PARD3: variants seen among roughly 807,000 people sequenced by gnomAD.
PARD3 encodes partitioning defective 3 homolog.
A neutral mutation model predicts 155.4 loss-of-function variants in PARD3; 75 were observed. The observed-to-expected ratio is 0.48, with a 90% CI of 0.40 to 0.58. The LOEUF is 0.58. PARD3 is among the 20% of genes least tolerant of loss of function. PARD3 has a pLI of 0.00. For missense variants in PARD3, 1,642 were observed against 1,721.7 expected, an observed-to-expected ratio of 0.95 and a Z score of 0.82; for synonymous variants, 576 against 610.5, an observed-to-expected ratio of 0.94 and a Z score of 0.83.
chr10:34,567,520 C>G (rs990074959), intron 2 of PARD3, among the ~76,000 whole-genome samples: 5 of 152,138 alleles, frequency 3.3e-5, no homozygotes, highest in Non-Finnish European at 7.4e-5. Flanking sequence ...GCGGCATTTT[C>G]TTTTTACACA....
intron 3 of PARD3, among the ~76,000 whole-genome samples, chr10:34,510,683 G>A (rs1041321550): frequency 6.6e-6 from 1 of 151,366 alleles, no homozygotes; most frequent in Non-Finnish European, 1.5e-5. Context: ...TTGAGTGTGT[G>A]TTTCCTTTAT....
intron 7 of PARD3, among the ~76,000 whole-genome samples, chr10:34,395,242 C>T (rs1263841460): frequency 2.0e-5 from 3 of 152,044 alleles, no homozygotes; most frequent in Non-Finnish European, 4.4e-5. Flanking sequence ...ATCATGTTGG[C>T]CAGGCTGGTC....
chr10:34,334,877 T>C (rs1835998022), intron 18 of PARD3, among the ~76,000 whole-genome samples: 1 of 151,904 alleles, frequency 6.6e-6, no homozygotes, highest in Non-Finnish European at 1.5e-5. Context: ...TGGATATCAT[T>C]ATGTTGTAGA....
chr10:34,633,802 A>T (rs2092368642), intron 2 of PARD3, among the ~76,000 whole-genome samples: 2 of 152,200 alleles, frequency 1.3e-5, no homozygotes, highest in Admixed American at 6.5e-5. Context: ...CCAACAGTGT[A>T]TGAGGGTTCC....
At chr10:34,334,117 T>A (rs995329208) in intron 18 of PARD3, among the ~76,000 whole-genome samples, 1 of 151,782 alleles carries the variant, frequency 6.6e-6, no homozygotes, top group South Asian at 2.1e-4. Context: ...TTTACACATA[T>A]CTTTTAGGTC....
chr10:34,290,950 AC>A (rs1956648019), intron 20 of PARD3, among the ~76,000 whole-genome samples: 2 of 152,276 alleles, frequency 1.3e-5, no homozygotes, highest in Middle Eastern at 3.4e-3. Context: ...TCAAATCAAA[AC>A]AAACCCATGA....
At chr10:34,434,127 C>T (rs987584603) in intron 5 of PARD3, among the ~76,000 whole-genome samples, 1 of 151,962 alleles carries the variant, frequency 6.6e-6, no homozygotes, top group African/African-American at 2.4e-5. Context: ...AGATCCTAGG[C>T]AGGAAAAAGG....
intron 1 of PARD3, among the ~76,000 whole-genome samples, chr10:34,791,238 G>A (rs978469216): frequency 1.3e-5 from 2 of 152,134 alleles, no homozygotes; most frequent in Non-Finnish European, 2.9e-5. Flanking sequence ...AGCTACATAG[G>A]GAGCCAACAG....
chr10:34,780,567 G>A (rs1050361856), intron 1 of PARD3, among the ~76,000 whole-genome samples: 76 of 152,130 alleles, frequency 5.0e-4, no homozygotes, highest in African/African-American at 1.7e-3. Context: ...GGAGGAAATC[G>A]TGCCCTGCTG....
intron 1 of PARD3, among the ~76,000 whole-genome samples, chr10:34,797,763 C>G (rs1362887920): frequency 6.6e-6 from 1 of 152,176 alleles, no homozygotes; most frequent in African/African-American, 2.4e-5. Context: ...CTCATTACAA[C>G]TCCCCCGTGC....
At chr10:34,184,558 C>T (rs747455897) in intron 22 of PARD3, among the ~76,000 whole-genome samples, 14 of 152,148 alleles carry the variant, frequency 9.2e-5, no homozygotes, top group Admixed American at 2.0e-4. Flanking sequence ...TCCAATGGGG[C>T]AGACTGCCCA....
At chr10:34,813,006 C>T (rs1006278175) in intron 1 of PARD3, among the ~76,000 whole-genome samples, 3 of 152,174 alleles carry the variant, frequency 2.0e-5, no homozygotes, top group Admixed American at 2.0e-4. Context: ...ACCTGGAGGA[C>T]CCCGCAGCCT....
intron 1 of PARD3, among the ~76,000 whole-genome samples, chr10:34,807,184 C>T (rs181408353): frequency 1.1e-4 from 16 of 152,298 alleles, no homozygotes; most frequent in African/African-American, 3.8e-4. Context: ...AAACAGGACA[C>T]ATTGGACAGG....
chr10:34,695,126 T>C (rs1213821730), intron 2 of PARD3, among the ~76,000 whole-genome samples: 1 of 152,186 alleles, frequency 6.6e-6, no homozygotes, highest in African/African-American at 2.4e-5. Context: ...ACCATGCTGA[T>C]GTAACTATGT....
intron 10 of PARD3, among the ~76,000 whole-genome samples, chr10:34,377,577 G>GA (rs1407987228): frequency 2.0e-5 from 3 of 152,042 alleles, no homozygotes; most frequent in Admixed American, 2.0e-4. Flanking sequence ...GCGACAGAGC[G>GA]AGACTCCATC....
intron 1 of PARD3, among the ~76,000 whole-genome samples, chr10:34,744,136 C>T (rs897130864): frequency 2.8e-4 from 43 of 152,192 alleles, no homozygotes; most frequent in African/African-American, 1.0e-3. Context: ...CGCCCATCTC[C>T]CTCTGGCCAA....
chr10:34,762,515 C>T (rs958243702), intron 1 of PARD3, among the ~76,000 whole-genome samples: 7 of 140,968 alleles, frequency 5.0e-5, no homozygotes, highest in African/African-American at 1.9e-4. Context: ...CACTAGGTTG[C>T]CCAGGCTGGT....
intron 2 of PARD3, among the ~76,000 whole-genome samples, chr10:34,533,514 A>G (rs1208380655): frequency 6.6e-6 from 1 of 152,176 alleles, no homozygotes; most frequent in Non-Finnish European, 1.5e-5. Flanking sequence ...AATACCAAAA[A>G]TATGATTGCA....
At chr10:34,409,821 T>G (rs1040763189) in intron 5 of PARD3, among the ~76,000 whole-genome samples, 1 of 152,176 alleles carries the variant, frequency 6.6e-6, no homozygotes, top group East Asian at 1.9e-4. Flanking sequence ...CAGTATATGA[T>G]ACAAATGTGA....
Sources: gnomAD v4.1 joint callset for allele counts (sites outside exome capture counted in the v4.1 genomes callset) on GRCh38, gnomAD v4.1.1 for gene constraint, MANE v1.5 for transcripts, NCBI Gene and HGNC (gene_info 2026-07-23, HGNC 2026-07-21) for gene names.